Variants in GUCY1A2 observed in about 807,000 individuals in gnomAD.
GUCY1A2 encodes guanylate cyclase soluble subunit alpha-2.
GUCY1A2 carries 27 observed loss-of-function variants against 63.5 expected under a neutral mutation model. That is an observed-to-expected ratio of 0.43 (90% CI 0.31 to 0.59). The LOEUF (loss-of-function observed/expected upper bound fraction) is 0.59, where lower values mean the gene tolerates loss of function less well. Among genes scored for constraint, GUCY1A2 ranks in the 20% least tolerant of loss-of-function variants. GUCY1A2 has a pLI of 0.11. For synonymous variants in GUCY1A2, 364 were observed against 343.5 expected, an observed-to-expected ratio of 1.06 and a Z score of -0.66; for missense variants, 768 against 913.3, an observed-to-expected ratio of 0.84 and a Z score of 2.05.
chr11:106,959,547 G>A (rs1027048945), intron 3 of GUCY1A2, among the ~76,000 whole-genome samples: 59 of 152,198 alleles, frequency 3.9e-4, no homozygotes, highest in African/African-American at 1.4e-3. Context: ...TCTCAACTGA[G>A]TCTGACTCTA....
chr11:106,872,550 A>G (rs917386373), intron 4 of GUCY1A2, among the ~76,000 whole-genome samples: 1 of 152,214 alleles, frequency 6.6e-6, no homozygotes, highest in African/African-American at 2.4e-5. Flanking sequence ...AGTCATATAA[A>G]AGAGATTTAT....
chr11:106,930,057 T>G (rs1860580384), intron 4 of GUCY1A2, among the ~76,000 whole-genome samples: 1 of 152,028 alleles, frequency 6.6e-6, no homozygotes, highest in Non-Finnish European at 1.5e-5. Flanking sequence ...ACAAAAGGAG[T>G]AAGGCTTAGT....
At chr11:107,010,226 A>G (rs1861724910) in intron 1 of GUCY1A2, among the ~76,000 whole-genome samples, 1 of 152,122 alleles carries the variant, frequency 6.6e-6, no homozygotes, top group South Asian at 2.1e-4. Context: ...CAATGTTATG[A>G]GGTACTCTGA....
At chr11:106,708,718 CAATT>C in intron 6 of GUCY1A2, 52 bp from the exon 7 acceptor site, 1 of 1,283,020 alleles carries the variant, frequency 7.8e-7, no homozygotes, top group Non-Finnish European at 1.1e-6. Context: ...ATTTGGTATG[CAATT>C]ATTTTAATGA....
intron 6 of GUCY1A2, among the ~76,000 whole-genome samples, chr11:106,767,266 A>G (rs1209258969): frequency 1.3e-5 from 2 of 152,164 alleles, no homozygotes; most frequent in Non-Finnish European, 2.9e-5. Context: ...CAAAAATGTG[A>G]AAGTCAAGAC....
At chr11:106,733,661 A>C (rs1863540237) in intron 6 of GUCY1A2, among the ~76,000 whole-genome samples, 1 of 152,138 alleles carries the variant, frequency 6.6e-6, no homozygotes, top group South Asian at 2.1e-4. Context: ...CATGAGGTTT[A>C]GAAGTACTGA....
At chr11:106,787,139 G>T (rs1864569947) in intron 5 of GUCY1A2, among the ~76,000 whole-genome samples, 1 of 150,818 alleles carries the variant, frequency 6.6e-6, no homozygotes, top group East Asian at 1.9e-4. Context: ...TTTAATTGTG[G>T]GTACACAGTA....
At chr11:107,013,519 T>C (rs1211681857) in intron 1 of GUCY1A2, among the ~76,000 whole-genome samples, 1 of 152,244 alleles carries the variant, frequency 6.6e-6, no homozygotes, top group Non-Finnish European at 1.5e-5. Flanking sequence ...TTTATACATC[T>C]TCAATCAGGT....
At chr11:106,896,091 T>C (rs550921942) in intron 4 of GUCY1A2, among the ~76,000 whole-genome samples, 2 of 150,726 alleles carry the variant, frequency 1.3e-5, no homozygotes, top group Admixed American at 6.6e-5. Context: ...ACAAATCAAA[T>C]CCAAGAATGT....
At chr11:107,015,532 C>T (rs1221077853) in intron 1 of GUCY1A2, among the ~76,000 whole-genome samples, 2 of 109,394 alleles carry the variant, frequency 1.8e-5, no homozygotes, top group Non-Finnish European at 3.3e-5. Flanking sequence ...ATTGACATTA[C>T]TTTTTAGAAA....
Position 106,862,699 on chromosome 11 carries a change from T to C in GUCY1A2, c.1207-52221A>G, listed in dbSNP as rs151238066. Among the ~76,000 whole-genome samples the C allele has an allele frequency of 5.6e-3, 849 of 152,082 alleles. 8 individuals are homozygous for C. The highest frequency in any genetic ancestry group is 6.3e-3 in the Non-Finnish European group (431 of 67,958). On this transcript the variant is annotated intron_variant, in intron 4 of 7. Transcript: ENST00000526355. Reference sequence around the variant, plus strand: ...GGAGACTCTATTCCAATTCCTTCCCTGACCAGAAACTGGAATGAGGAGAAA... The same window carrying C: ...GGAGACTCTATTCCAATTCCTTCCCCGACCAGAAACTGGAATGAGGAGAAA...
intron 4 of GUCY1A2, among the ~76,000 whole-genome samples, chr11:106,820,063 G>A (rs1204632266): frequency 6.6e-6 from 1 of 152,068 alleles, no homozygotes. Context: ...TAATGTAGAA[G>A]AAGTTTGTTT....
rs1863922435 is a variant in GUCY1A2, at chr11:106,753,665, A to G, written c.1836+22774T>C. Among the ~76,000 whole-genome samples, 8 of 152,290 alleles carry G rather than the reference A, an allele frequency of 5.3e-5. No individual in the cohort carries two copies. The South Asian group carries it at 1.7e-3, about 32-fold the overall frequency. On this transcript the variant is annotated intron_variant, in intron 6 of 7. Transcript: ENST00000526355. Reference sequence around the variant, plus strand: ...GGTTTGTCAAAGATCAGATGATTTTAGATGTGTGGTGTTATTTCTGAGGCC... The same window carrying G: ...GGTTTGTCAAAGATCAGATGATTTTGGATGTGTGGTGTTATTTCTGAGGCC...
chr11:106,785,160 A>G (rs371970909), intron 5 of GUCY1A2, among the ~76,000 whole-genome samples: 17 of 152,290 alleles, frequency 1.1e-4, no homozygotes, highest in Middle Eastern at 3.4e-3. Context: ...AACGGAGACG[A>G]TGGATTGAAA....
chr11:106,800,277 T>G (rs1591282679), intron 5 of GUCY1A2, among the ~76,000 whole-genome samples: 2 of 152,196 alleles, frequency 1.3e-5, no homozygotes, highest in Non-Finnish European at 2.9e-5. Context: ...GGAACACTTT[T>G]ACACTGTTGG....
chr11:106,948,649 G>A (rs1181559310), intron 3 of GUCY1A2, among the ~76,000 whole-genome samples: 3 of 152,028 alleles, frequency 2.0e-5, no homozygotes, highest in Admixed American at 6.6e-5. Context: ...TATTATCTTG[G>A]AGGTTCTAGA....
intron 1 of GUCY1A2, among the ~76,000 whole-genome samples, chr11:107,017,079 C>G (rs1392375374): frequency 6.6e-6 from 1 of 151,756 alleles, no homozygotes; most frequent in Non-Finnish European, 1.5e-5. Context: ...CAGGTTTACC[C>G]AGAGAAGAAT....
chr11:106,897,095 T>C (rs1300231802), intron 4 of GUCY1A2, among the ~76,000 whole-genome samples: 1 of 152,060 alleles, frequency 6.6e-6, no homozygotes, highest in African/African-American at 2.4e-5. Flanking sequence ...ATACAATACA[T>C]TTACATTAGC....
At chr11:106,772,957 G>A (rs1278965669) in intron 6 of GUCY1A2, among the ~76,000 whole-genome samples, 1 of 152,080 alleles carries the variant, frequency 6.6e-6, no homozygotes, top group Non-Finnish European at 1.5e-5. Flanking sequence ...ACTTAAACTA[G>A]ATTTTATTTT....
Sources: gnomAD v4.1 joint callset for allele counts (sites outside exome capture counted in the v4.1 genomes callset) on GRCh38, gnomAD v4.1.1 for gene constraint, MANE v1.5 for transcripts, NCBI Gene and HGNC (gene_info 2026-07-23, HGNC 2026-07-21) for gene names.